The following UPF1 variants were observed in gnomAD, a reference collection of about 807,000 sequenced individuals.
The protein encoded by UPF1 is regulator of nonsense transcripts 1.
In UPF1, 9 loss-of-function variants were observed where a neutral mutation model predicts 129.2. That is an observed-to-expected ratio of 0.07 (90% CI 0.04 to 0.12). The LOEUF is 0.12. UPF1 is among the 10% of genes least tolerant of loss of function. UPF1 has a pLI of 1.00. For synonymous variants in UPF1, 649 were observed against 644.9 expected (o/e 1.01, Z -0.10); for missense variants, 788 against 1,525.3 (o/e 0.52, Z 8.05).
At chr19:18,861,517 C>T (rs1190253910) in intron 17 of UPF1, among the ~76,000 whole-genome samples, 1 of 152,208 alleles carries the variant, frequency 6.6e-6, no homozygotes, top group Non-Finnish European at 1.5e-5. Flanking sequence ...GCTCTTAGTG[C>T]TGAGAAACAA....
rs1305857688 is a variant in UPF1 at position 18,832,091 on chromosome 19, C to T, written c.-119C>T. 6.7e-6 allele frequency: 7 copies of T among 1,046,640 alleles called. No individual in the cohort carries two copies. The highest frequency in any genetic ancestry group is 1.7e-5 in the African/African-American group (1 of 58,060). The allele number at this position is 1,046,640 out of a possible 1,614,324, so 64.8% of individuals were successfully genotyped here. ...TGGCGCCGGGGCGCGCGGTTTGGTC[C>T]TTTCCGGGCGCGCGGGGGCGACAGC... On this transcript the variant is annotated 5_prime_UTR_variant, in exon 1 of 24. Coordinates refer to ENST00000262803, the MANE Select transcript of UPF1 (RefSeq NM_002911.4). The surrounding 1 kb of genome is among the most constrained non-coding windows in gnomAD (Gnocchi z 5.6).
In UPF1 at chr19:18,838,974, A is replaced by G. The variant is rs914707311; in HGVS notation, c.231+6534A>G. On this transcript the variant is annotated intron_variant, in intron 1 of 23. Coordinates refer to ENST00000262803, the MANE Select transcript of UPF1 (RefSeq NM_002911.4). ...GGATTATGACTAATACTATACCAGG[A>G]CTAACTAAAAAAAGAGTTCCCTCTC... Among the ~76,000 whole-genome samples, 13 of 152,242 alleles carry G rather than the reference A, an allele frequency of 8.5e-5. No individual in the cohort carries two copies. In the East Asian group the frequency reaches 1.3e-3, roughly 16 times the overall value.
chr19:18,862,197 C>T, intron 18 of UPF1, 45 bp downstream of exon 18: 3 of 1,601,178 alleles, frequency 1.9e-6, no homozygotes, highest in Non-Finnish European at 2.6e-6. Flanking sequence ...CTCATCGGTC[C>T]TCACTTCCCA....
chr19:18,862,838 A>AG (rs1388965123), intron 18 of UPF1: 15 of 145,382 alleles, frequency 1.0e-4, no homozygotes, highest in African/African-American at 3.9e-4. Context: ...CTGTCTCCAA[A>AG]GGAAAAAAAA....
Position 18,856,307 on chromosome 19 carries a change from G to T in UPF1, c.1824+7G>T. ...AGAGAGAGAGCTGCTGATGGTGAGT[G>T]CCCCTCCTGCCTGCAAAAGGGCCTG... On this transcript the variant is annotated splice_region_variant and intron_variant, in intron 13 of 23. Coordinates refer to ENST00000262803, the MANE Select transcript of UPF1 (RefSeq NM_002911.4). 6.3e-7 allele frequency: 1 copy of T among 1,585,604 alleles called. No individual in the cohort carries two copies. The highest frequency in any genetic ancestry group is 8.6e-7 in the Non-Finnish European group (1 of 1,157,986).
intron 1 of UPF1, among the ~76,000 whole-genome samples, chr19:18,835,984 TG>T (rs1306412237): frequency 1.3e-5 from 2 of 152,310 alleles, no homozygotes; most frequent in Non-Finnish European, 2.9e-5. Context: ...CCCACCGGGA[TG>T]GGAAAGTGGC....
chr19:18,860,464 T>C (rs1363090487), intron 16 of UPF1, 26 bp downstream of exon 16: 1 of 1,606,426 alleles, frequency 6.2e-7, no homozygotes, highest in South Asian at 1.1e-5. Flanking sequence ...CCCACCGGCG[T>C]CTGCAGGTCT....
At chr19:18,860,139 C>A in intron 15 of UPF1, 182 bp from the exon 16 acceptor site, 2 of 646,176 alleles carry the variant, frequency 3.1e-6, no homozygotes, top group Admixed American at 2.5e-5. Flanking sequence ...TCAGCCTTGC[C>A]CAATCCTGGG....
Position 18,866,126 on chromosome 19 carries a change from A to G in UPF1, c.3320A>G (p.Tyr1107Cys). 6.2e-7 allele frequency: 1 copy of G among 1,612,186 alleles called. No individual in the cohort carries two copies. Residue 1107 changes from tyrosine (Y) to cysteine (C), a missense_variant, in exon 23 of 24, where the codon TAC becomes TGC. Tyr to Cys is a radical substitution (Grantham distance 194, BLOSUM62 -2). Transcript: ENST00000262803. Reference protein sequence around the residue: ...QDSTYQGERAYQHGGVTGLSQ... With the variant: ...QDSTYQGERACQHGGVTGLSQ... Reference sequence around the variant, plus strand: ...TCCACGTACCAGGGAGAGCGGGCTTACCAGCATGGCGGGGTGACGGGGCTG... The same window carrying G: ...TCCACGTACCAGGGAGAGCGGGCTTGCCAGCATGGCGGGGTGACGGGGCTG...
rs147646144 is a variant in UPF1, at chr19:18,855,349, C to T, written c.1544+107C>T. 5.7e-4 allele frequency: 723 copies of T among 1,276,786 alleles called. 3 individuals are homozygous for T. The highest frequency in any genetic ancestry group is 7.7e-4 in the Admixed American group (35 of 45,222). The allele number at this position is 1,276,786 out of a possible 1,614,324, so 79.1% of individuals were successfully genotyped here. ...GGGCTCTGTCACACCGAAGAGAGCA[C>T]GTGGCGGGTAGTGTCGCCATGGTGC... On this transcript the variant is annotated intron_variant, in intron 11 of 23. Coordinates refer to ENST00000262803, the MANE Select transcript of UPF1 (RefSeq NM_002911.4).
At chr19:18,855,498 TC>T (rs1328500559) in intron 11 of UPF1, 2 of 574,848 alleles carry the variant, frequency 3.5e-6, no homozygotes, top group African/African-American at 1.9e-5. Flanking sequence ...CAGCGTGAGT[TC>T]CGTGTGCGGC....
Position 18,860,813 on chromosome 19 carries a change from C to G in UPF1, c.2301-13C>G. ...ACAGGTGGAGCCCAGCACTGACAGCCTGGGTTTCTTAGGACCGAGGCTGCG... is the reference window on the plus strand; with the variant it reads ...ACAGGTGGAGCCCAGCACTGACAGCGTGGGTTTCTTAGGACCGAGGCTGCG... On this transcript the variant is annotated splice_polypyrimidine_tract_variant and intron_variant, in intron 16 of 23. Coordinates refer to ENST00000262803, the MANE Select transcript of UPF1 (RefSeq NM_002911.4). The G allele has an allele frequency of 6.2e-7, 1 of 1,612,068 alleles. No individual in the cohort carries two copies. The highest frequency in any genetic ancestry group is 8.5e-7 in the Non-Finnish European group (1 of 1,179,630).
chr19:18,844,062 C>T (rs372306362), intron 1 of UPF1, among the ~76,000 whole-genome samples: 52 of 152,156 alleles, frequency 3.4e-4, no homozygotes, highest in Middle Eastern at 6.8e-3. Context: ...GTTGTGCTGC[C>T]CTGATGCACG....
At position 18,861,130 on chromosome 19, in the gene UPF1, GCA is replaced by G. The variant is rs2055774624; in HGVS notation, c.2457+151_2457+152del. The G allele has an allele frequency of 9.9e-6, 10 of 1,009,200 alleles. No individual in the cohort carries two copies. In the East Asian group the frequency reaches 2.6e-4, roughly 27 times the overall value. The allele number at this position is 1,009,200 out of a possible 1,614,324, so 62.5% of individuals were successfully genotyped here. A position where few individuals can be genotyped will look rare whatever the true frequency, so the allele number is the denominator to read the frequency against. On this transcript the variant is annotated intron_variant, in intron 17 of 23. Coordinates refer to ENST00000262803, the MANE Select transcript of UPF1 (RefSeq NM_002911.4). ...CCAGCTGGCCCACCCTCTGGGGAGG[GCA>G]CAGACAGCACATCCCCACAGACCCT...
chr19:18,832,375 G>A lies in UPF1; in HGVS notation c.166G>A (p.Gly56Ser), dbSNP rs750140343. 2 of 1,244,854 alleles carry A rather than the reference G, an allele frequency of 1.6e-6. No individual in the cohort carries two copies. The highest frequency in any genetic ancestry group is 2.1e-6 in the Non-Finnish European group (2 of 975,196). The allele number at this position is 1,244,854 out of a possible 1,614,324, so 77.1% of individuals were successfully genotyped here. ...CCCCGGCGGCCCCGGCGGCCCGGGC[G>A]GTGGCGGCGCGGGAGGCCCGGGCGG... is the stretch of plus-strand genomic sequence containing the variant. Reference protein sequence around the residue: ...TPPGGPGGPGGGGAGGPGGAG... With the variant: ...TPPGGPGGPGSGGAGGPGGAG... Residue 56 changes from glycine (G) to serine (S), a missense_variant, in exon 1 of 24, where the codon GGT becomes AGT. By Grantham distance (56) the Gly-to-Ser change is moderately conservative. Around this residue, in one of 6 missense-constraint regions of UPF1, gnomAD observed 112 missense variants for 128.2 expected, o/e 0.87. Coordinates refer to ENST00000262803, the MANE Select transcript of UPF1 (RefSeq NM_002911.4). This position sits in a 1 kb window ranked among gnomAD's most constrained non-coding sequence, Gnocchi z 5.6.
rs2055807906 is a variant in UPF1, at chr19:18,863,719, C to T, written c.2775+107C>T. On this transcript the variant is annotated intron_variant, in intron 19 of 23. Transcript: ENST00000262803. ...TGTGCCCGTGAGCTGAGGGAGGGCT[C>T]TCCTAGGGGAGGGTGGGCTCTCCTA... is the stretch of plus-strand genomic sequence containing the variant. The T allele has an allele frequency of 2.1e-6, 3 of 1,396,108 alleles. No homozygotes were observed. The South Asian group carries it at 4.2e-5, about 19-fold the overall frequency. 86.5% of individuals were successfully genotyped at this position (1,396,108 alleles called of 1,614,324 possible).
At position 18,854,986 on chromosome 19, in the gene UPF1, A is replaced by G; in HGVS notation, c.1373A>G (p.Gln458Arg). 1 of 1,614,174 alleles carries G rather than the reference A, an allele frequency of 6.2e-7. No homozygotes were observed. Among genetic ancestry groups the G allele is most frequent in the Non-Finnish European group, 8.5e-7 (1 of 1,180,040 alleles). Reference sequence around the variant, plus strand: ...GTGGAGGACGTAATCATCAAGTGCCAGCTGCCCAAGCGCTTCACGGCGCAG... The same window carrying G: ...GTGGAGGACGTAATCATCAAGTGCCGGCTGCCCAAGCGCTTCACGGCGCAG... Reference protein sequence around the residue: ...HEVEDVIIKCQLPKRFTAQGL... With the variant: ...HEVEDVIIKCRLPKRFTAQGL... Residue 458 changes from glutamine to arginine, a missense_variant, in exon 10 of 24, where the codon CAG becomes CGG. Gln to Arg is a conservative substitution (Grantham distance 43). This residue lies in a region of UPF1 where 227 missense variants were observed against 517.9 expected (regional missense o/e 0.44). Transcript: ENST00000262803.
In UPF1 at chr19:18,850,624, GC is replaced by G; in HGVS notation, c.630-61del. The G allele has an allele frequency of 6.8e-7, 1 of 1,468,214 alleles. No homozygotes were observed. The highest frequency in any genetic ancestry group is 9.0e-7 in the Non-Finnish European group (1 of 1,108,252). The allele number at this position is 1,468,214 out of a possible 1,614,324, so 90.9% of individuals were successfully genotyped here. A position where few individuals can be genotyped will look rare whatever the true frequency, so the allele number is the denominator to read the frequency against. ...GGGTGAAAGGTCAGCATGGGAGGGG[GC>G]CCTCCCTGCTCCGGGGCTTCAGGGA... On this transcript the variant is annotated intron_variant, in intron 4 of 23. Coordinates refer to ENST00000262803, the MANE Select transcript of UPF1 (RefSeq NM_002911.4). This position sits in a 1 kb window ranked among gnomAD's most constrained non-coding sequence, Gnocchi z 7.1.
At chr19:18,864,890 C>T (rs1321958461) in intron 20 of UPF1, among the ~76,000 whole-genome samples, 3 of 152,038 alleles carry the variant, frequency 2.0e-5, no homozygotes, top group African/African-American at 7.2e-5. Flanking sequence ...AAGCACCCAC[C>T]ACCATGCCCG....
Sources: gnomAD v4.1 joint callset for allele counts (sites outside exome capture counted in the v4.1 genomes callset) on GRCh38, gnomAD v4.1.1 for gene constraint, gnomAD v4.1.1 regional missense constraint, Gnocchi (gnomAD v3.1) non-coding constraint, MANE v1.5 for transcripts, NCBI Gene and HGNC (gene_info 2026-07-23, HGNC 2026-07-21) for gene names.